CYP7A1: variants seen among roughly 807,000 people sequenced by gnomAD.
CYP7A1 encodes the protein cytochrome P450 7A1.
CYP7A1 carries 28 observed loss-of-function variants against 43.8 expected under a neutral mutation model. That is an observed-to-expected ratio of 0.64 (90% confidence interval 0.47 to 0.88). The LOEUF is 0.88. CYP7A1 is among the 40% of genes least tolerant of loss of function. The probability of loss-of-function intolerance (pLI) is 0.00; values close to 1 mark genes in which losing one functional copy is unlikely to be tolerated. For synonymous variants in CYP7A1, 227 were observed against 222.5 expected (o/e 1.02, Z -0.18); for missense variants, 637 against 611.9 (o/e 1.04, Z -0.43).
chr8:58,492,441 TC>T lies in CYP7A1; in HGVS notation c.1126del (p.Asp376ThrfsTer12). The part of the protein sequence containing the change: ...AKEDFTLHLE[D>X]GSYNIRKDDI... ...ATCTTTTCGGATGTTGTAGGAACCG[TC>T]CTCAAGGTGCAAAGTGAAATCCTCC... On this transcript the variant is annotated frameshift_variant, in exon 5 of 6. Transcript: ENST00000301645. LOFTEE classifies it high-confidence loss of function. 4 of 1,614,008 alleles carry T rather than the reference TC, an allele frequency of 2.5e-6. No homozygotes were observed. Among genetic ancestry groups the T allele is most frequent in the Non-Finnish European group, 3.4e-6 (4 of 1,179,880 alleles).
intron 5 of CYP7A1, 32 bp downstream of exon 5, chr8:58,492,321 T>A (rs372356911): frequency 7.3e-5 from 113 of 1,549,064 alleles, no homozygotes; most frequent in Admixed American, 1.3e-4. Context: ...AGCTATCACC[T>A]GGATATTGAA....
At chr8:58,499,346 C>T (rs1809495411) in intron 1 of CYP7A1, among the ~76,000 whole-genome samples, 1 of 152,130 alleles carries the variant, frequency 6.6e-6, no homozygotes, top group African/African-American at 2.4e-5. Context: ...CTATATGCCT[C>T]CCCACAATTA....
intron 2 of CYP7A1, 130 bp from the exon 3 acceptor site, chr8:58,497,320 C>A: frequency 1.3e-6 from 1 of 794,712 alleles, no homozygotes; most frequent in Non-Finnish European, 2.1e-6. Context: ...TTCCCTTGTA[C>A]AAGTTCATAG....
intron 1 of CYP7A1, among the ~76,000 whole-genome samples, chr8:58,498,687 T>C (rs1176991571): frequency 6.6e-6 from 1 of 152,200 alleles, no homozygotes; most frequent in African/African-American, 2.4e-5. Context: ...AATCCATCCA[T>C]TCATGCATCC....
In CYP7A1 at chr8:58,491,562, A is replaced by T; in HGVS notation, c.1428T>A (p.Cys476Ter). Residue 476 changes from cysteine (C) to a stop codon, truncating the protein, a stop_gained, in exon 6 of 6, where the codon TGT becomes TGA. Coordinates refer to ENST00000301645, the MANE Select transcript of CYP7A1 (RefSeq NM_000780.4). LOFTEE classifies it high-confidence loss of function. ...CTGCCCGGGACTGGTCCAAAGGTGG[A>T]CATTTAGCTTGGCCCTCTATAAGCT... ...ELELIEGQAK[C>*]PPLDQSRAGL... 1 of 1,614,218 alleles carries T rather than the reference A, an allele frequency of 6.2e-7. No homozygotes were observed. The highest frequency in any genetic ancestry group is 1.7e-5 in the Admixed American group (1 of 60,018).
chr8:58,494,598 T>C lies in CYP7A1; in HGVS notation c.947A>G (p.Lys316Arg), dbSNP rs1809409643. ...EAMKAATEEV[K>R]RTLENAGQKV... is the part of the protein sequence containing the mutation. ...TTGACCAGCATTCTCTAATGTTCTTTTCACTTCTTCAGTAGCTGCTTTCAT... is the reference window on the plus strand; with the variant it reads ...TTGACCAGCATTCTCTAATGTTCTTCTCACTTCTTCAGTAGCTGCTTTCAT... The change falls in exon 4 of 6, where the codon AAA (lysine) becomes AGA (arginine). Residue 316 changes from lysine to arginine, a missense_variant. Transcript: ENST00000301645. 1.2e-6 allele frequency: 2 copies of C among 1,614,134 alleles called. No homozygotes were observed. Among genetic ancestry groups the C allele is most frequent in the Non-Finnish European group, 1.7e-6 (2 of 1,180,002 alleles).
At chr8:58,492,807 C>T (rs1222132711) in intron 4 of CYP7A1, among the ~76,000 whole-genome samples, 1 of 152,122 alleles carries the variant, frequency 6.6e-6, no homozygotes, top group Non-Finnish European at 1.5e-5. Flanking sequence ...TTCTGTTGCC[C>T]ATGCTGCAGT....
At chr8:58,498,736 G>A (rs1227660476) in intron 1 of CYP7A1, among the ~76,000 whole-genome samples, 2 of 152,138 alleles carry the variant, frequency 1.3e-5, no homozygotes, top group African/African-American at 4.8e-5. Context: ...TCTACTATGT[G>A]CTCATCACTT....
rs1809508795 is a variant in CYP7A1, at chr8:58,500,156, A to T, written c.-58T>A. ...AAAATCTCTGATTAGAAAGGGAAGGATGCCACTGAAAAGAGACTCAAGCTA... is the reference window on the plus strand; with the variant it reads ...AAAATCTCTGATTAGAAAGGGAAGGTTGCCACTGAAAAGAGACTCAAGCTA... On this transcript the variant is annotated 5_prime_UTR_variant, in exon 1 of 6. Transcript: ENST00000301645. 7.4e-7 allele frequency: 1 copy of T among 1,360,532 alleles called. No individual in the cohort carries two copies. Among genetic ancestry groups the T allele is most frequent in the African/African-American group, 1.4e-5 (1 of 69,994 alleles). The allele number at this position is 1,360,532 out of a possible 1,614,324, so 84.3% of individuals were successfully genotyped here. A position where few individuals can be genotyped will look rare whatever the true frequency, so the allele number is the denominator to read the frequency against.
intron 4 of CYP7A1, 50 bp downstream of exon 4, chr8:58,494,456 T>C: frequency 6.3e-7 from 1 of 1,588,146 alleles, no homozygotes; most frequent in African/African-American, 1.3e-5. Context: ...TCATTATTGT[T>C]AAAGTAGTAG....
At position 58,497,206 on chromosome 8, in the gene CYP7A1, A is replaced by C; in HGVS notation, c.322-16T>G. On this transcript the variant is annotated splice_polypyrimidine_tract_variant and intron_variant, in intron 2 of 5. Coordinates refer to ENST00000301645, the MANE Select transcript of CYP7A1 (RefSeq NM_000780.4). ...GCCCAAATGCCTGATAGCAAATAAA[A>C]CATGCAGAAAAAGAAGTTAAACCTG... The C allele has an allele frequency of 1.3e-6, 2 of 1,591,030 alleles. No homozygotes were observed.
chr8:58,494,452 T>C, intron 4 of CYP7A1, 54 bp downstream of exon 4: 3 of 1,575,458 alleles, frequency 1.9e-6, no homozygotes, highest in South Asian at 1.1e-5. Context: ...TTGGTCATTA[T>C]TGTTAAAGTA....
rs189310824 is a variant in CYP7A1 at position 58,493,765 on chromosome 8, C to T, written c.1039+741G>A. ...CTGTAATCCCAGCACTTTGGGAGGC[C>T]GAGGCGGGCAGATCACTTGAGGTCA... On this transcript the variant is annotated intron_variant, in intron 4 of 5. Coordinates refer to ENST00000301645, the MANE Select transcript of CYP7A1 (RefSeq NM_000780.4). Among the ~76,000 whole-genome samples the T allele has an allele frequency of 2.4e-4, 37 of 152,146 alleles. No homozygotes were observed. The East Asian group carries it at 5.2e-3, about 21-fold the overall frequency.
chr8:58,491,799 C>G, intron 5 of CYP7A1, 25 bp from the exon 6 acceptor site: 1 of 1,592,344 alleles, frequency 6.3e-7, no homozygotes, highest in Non-Finnish European at 8.6e-7. Flanking sequence ...CAAAGAAAAC[C>G]GCCTTTAAGC....
At chr8:58,498,770 A>T (rs1202562552) in intron 1 of CYP7A1, among the ~76,000 whole-genome samples, 2 of 152,222 alleles carry the variant, frequency 1.3e-5, no homozygotes, top group East Asian at 1.9e-4. Context: ...AGGCAAAAGG[A>T]TTTACAAGAC....
chr8:58,492,999 A>G (rs992698309), intron 4 of CYP7A1, among the ~76,000 whole-genome samples: 1 of 152,150 alleles, frequency 6.6e-6, no homozygotes, highest in African/African-American at 2.4e-5. Context: ...TTGAGCTCCT[A>G]GGCTTAAGCA....
Position 58,491,232 on chromosome 8 carries a change from T to A in CYP7A1, c.*243A>T, listed in dbSNP as rs1431399333. 4 of 544,708 alleles carry A rather than the reference T, an allele frequency of 7.3e-6. No individual in the cohort carries two copies. Among genetic ancestry groups the A allele is most frequent in the Non-Finnish European group, 9.8e-6 (3 of 305,670 alleles). The allele number at this position is 544,708 out of a possible 1,614,324, so 33.7% of individuals were successfully genotyped here. A position where few individuals can be genotyped will look rare whatever the true frequency, so the allele number is the denominator to read the frequency against. On this transcript the variant is annotated 3_prime_UTR_variant, in exon 6 of 6. Coordinates refer to ENST00000301645, the MANE Select transcript of CYP7A1 (RefSeq NM_000780.4). The stretch of plus-strand genomic sequence containing the variant: ...CTGGCTATATGAACATTCATGGACT[T>A]ATACAAATGAAAACAAATTATTGTG...
chr8:58,497,023 G>A lies in CYP7A1; in HGVS notation c.489C>T (p.Thr163=), dbSNP rs574513686. 5.6e-6 allele frequency: 9 copies of A among 1,611,372 alleles called. No individual in the cohort carries two copies. Among genetic ancestry groups the A allele is most frequent in the East Asian group, 4.5e-5 (2 of 44,860 alleles). The part of the protein sequence containing the change: ...MRPPVSSNSK[T]AAWVTEGMYS... Reference sequence around the variant, plus strand: ...ACATCCCTTCTGTCACCCAGGCAGCGGTCTTTGAGTTAGAGGAGACTGGAG... The same window carrying A: ...ACATCCCTTCTGTCACCCAGGCAGCAGTCTTTGAGTTAGAGGAGACTGGAG... Residue 163 remains threonine, a synonymous_variant, in exon 3 of 6, where the codon ACC becomes ACT. Coordinates refer to ENST00000301645, the MANE Select transcript of CYP7A1 (RefSeq NM_000780.4).
intron 2 of CYP7A1, 70 bp from the exon 3 acceptor site, chr8:58,497,260 G>C (rs17262728): frequency 7.9e-7 from 1 of 1,268,840 alleles, no homozygotes; most frequent in Non-Finnish European, 1.1e-6. Context: ...ACTGAAAAAC[G>C]GATTAGATAC....
Sources: allele counts gnomAD v4.1 joint callset (sites outside exome capture counted in the v4.1 genomes callset), GRCh38; gene constraint gnomAD v4.1.1; transcripts MANE v1.5; gene names NCBI Gene and HGNC (gene_info 2026-07-23, HGNC 2026-07-21).